Variants in RTL4 observed in about 807,000 individuals in gnomAD.
RTL4 encodes the protein retrotransposon Gag like 4.
A neutral mutation model predicts 5.3 loss-of-function variants in RTL4; 4 were observed. The ratio of observed to expected loss-of-function variants is 0.75; its 90% CI spans 0.37 to 1.72. The LOEUF is 1.72. RTL4 is among the 40% of genes most tolerant of loss of function. RTL4 has a pLI of 0.04. For synonymous variants in RTL4, 98 were observed against 87.3 expected, an observed-to-expected ratio of 1.12 and a Z score of -0.68; for missense variants, 260 against 227.1, an observed-to-expected ratio of 1.14 and a Z score of -0.93.
chrX:112,352,670 A>G, the RTL4 span, among the ~76,000 whole-genome samples: 6 of 108,156 alleles, frequency 5.5e-5, no homozygotes, highest in Non-Finnish European at 9.5e-5. Flanking sequence ...CACCTTATAC[A>G]AAAATTCATT....
chrX:112,106,731 C>T, the RTL4 span, among the ~76,000 whole-genome samples: 1 of 111,521 alleles, frequency 9.0e-6, no homozygotes. Flanking sequence ...AATTATGTCT[C>T]GTGATTTTTA....
the RTL4 span, among the ~76,000 whole-genome samples, chrX:112,299,030 A>G: frequency 8.9e-6 from 1 of 112,208 alleles, no homozygotes; most frequent in Non-Finnish European, 1.9e-5. Flanking sequence ...CTTGCCAATC[A>G]TAGGTCATTC....
At chrX:112,214,460 A>T in the RTL4 span, among the ~76,000 whole-genome samples, 1 of 112,246 alleles carries the variant, frequency 8.9e-6, no homozygotes, top group Admixed American at 9.4e-5. Context: ...ACTAGGAATA[A>T]TGCTGCAATG....
chrX:112,428,464 C>T, the RTL4 span, among the ~76,000 whole-genome samples: 1 of 111,211 alleles, frequency 9.0e-6, no homozygotes, highest in Non-Finnish European at 1.9e-5. Flanking sequence ...TGGGATTTTC[C>T]AGCTACCTTT....
At chrX:112,303,138 A>C in the RTL4 span, among the ~76,000 whole-genome samples, 1 of 112,074 alleles carries the variant, frequency 8.9e-6, no homozygotes, top group South Asian at 3.8e-4. Context: ...CGTAGACCAC[A>C]TGTTGAGAAT....
the RTL4 span, among the ~76,000 whole-genome samples, chrX:112,204,725 G>C: frequency 9.0e-6 from 1 of 111,272 alleles, no homozygotes; most frequent in African/African-American, 3.3e-5. Flanking sequence ...ATAGCCAGAA[G>C]AATGAATAAG....
the RTL4 span, among the ~76,000 whole-genome samples, chrX:112,305,240 C>A: frequency 9.2e-6 from 1 of 108,960 alleles, no homozygotes; most frequent in Admixed American, 9.8e-5. Flanking sequence ...TCACTGCAAC[C>A]TTCGCTTCCG....
chrX:112,373,874 A>G, the RTL4 span, among the ~76,000 whole-genome samples: 2 of 110,624 alleles, frequency 1.8e-5, no homozygotes, highest in Non-Finnish European at 3.8e-5. Flanking sequence ...CAAAGGAATT[A>G]TATGGTATGT....
chrX:112,377,499 G>C, the RTL4 span, among the ~76,000 whole-genome samples: 1 of 111,867 alleles, frequency 8.9e-6, no homozygotes, highest in Non-Finnish European at 1.9e-5. Flanking sequence ...AAAGAGTATT[G>C]TGCCACATAT....
the RTL4 span, among the ~76,000 whole-genome samples, chrX:112,106,532 T>C: frequency 2.7e-5 from 3 of 112,242 alleles, no homozygotes; most frequent in Admixed American, 2.8e-4. Flanking sequence ...CTTTTGTAAA[T>C]ATATCCAGCA....
At chrX:112,103,090 C>T in the RTL4 span, among the ~76,000 whole-genome samples, 1 of 111,574 alleles carries the variant, frequency 9.0e-6, no homozygotes, top group Non-Finnish European at 1.9e-5. Flanking sequence ...GGTATATACC[C>T]AAAGGAATAC....
the RTL4 span, among the ~76,000 whole-genome samples, chrX:112,241,189 A>G: frequency 3.7e-3 from 413 of 111,073 alleles, no homozygotes; most frequent in African/African-American, 0.013. Flanking sequence ...ATATAATCAA[A>G]TCCTTTGGGT....
chrX:112,309,805 T>G, the RTL4 span, among the ~76,000 whole-genome samples: 1 of 107,821 alleles, frequency 9.3e-6, no homozygotes, highest in African/African-American at 3.4e-5. Flanking sequence ...CACACACACA[T>G]ATACACACAC....
the RTL4 span, among the ~76,000 whole-genome samples, chrX:112,405,071 A>C: frequency 9.0e-6 from 1 of 111,319 alleles, no homozygotes; most frequent in Admixed American, 9.6e-5. Context: ...TCATCTATGA[A>C]GGGTTAGCCA....
chrX:112,343,210 C>T, the RTL4 span, among the ~76,000 whole-genome samples: 3 of 112,094 alleles, frequency 2.7e-5, no homozygotes, highest in Non-Finnish European at 5.6e-5. Flanking sequence ...TTGTAACCAC[C>T]GCTAAAAAGA....
chrX:112,205,931 T>C, the RTL4 span, among the ~76,000 whole-genome samples: 1 of 112,178 alleles, frequency 8.9e-6, no homozygotes, highest in East Asian at 2.8e-4. Flanking sequence ...ATATGTTCTT[T>C]AAATATAGGT....
At chrX:112,317,069 T>G in the RTL4 span, among the ~76,000 whole-genome samples, 1 of 112,016 alleles carries the variant, frequency 8.9e-6, no homozygotes, top group Non-Finnish European at 1.9e-5. Context: ...AAATAATGTC[T>G]AAACCTTCTC....
chrX:112,256,350 T>G, the RTL4 span, among the ~76,000 whole-genome samples: 1 of 111,998 alleles, frequency 8.9e-6, no homozygotes, highest in African/African-American at 3.2e-5. Context: ...ATTCTATTCC[T>G]ATGCAATTAA....
the RTL4 span, among the ~76,000 whole-genome samples, chrX:112,137,032 C>T: frequency 9.0e-6 from 1 of 111,331 alleles, no homozygotes; most frequent in Admixed American, 9.6e-5. Flanking sequence ...AACTAAAATG[C>T]TCTGCACAAC....
Sources: gnomAD v4.1 joint callset for allele counts (sites outside exome capture counted in the v4.1 genomes callset) on GRCh38, gnomAD v4.1.1 for gene constraint, MANE v1.5 for transcripts, NCBI Gene and HGNC (gene_info 2026-07-23, HGNC 2026-07-21) for gene names.